The following TCF7L2 variants were observed in gnomAD, a reference collection of about 807,000 sequenced individuals.
TCF7L2 encodes transcription factor 7 like 2.
Under a neutral mutation model 77.9 loss-of-function variants are expected in TCF7L2, and 23 were observed. The observed-to-expected ratio is 0.30, with a 90% CI of 0.21 to 0.42. The LOEUF is 0.42. Ranked by LOEUF, TCF7L2 falls within the 10% of genes least tolerant of loss-of-function variation. The pLI is 1.00. For synonymous variants in TCF7L2, 413 were observed against 340.2 expected (o/e 1.21, Z -2.36); for missense variants, 654 against 793.1 (o/e 0.82, Z 2.11).
intron 4 of TCF7L2, among the ~76,000 whole-genome samples, chr10:113,014,925 T>G (rs946480901): frequency 2.0e-4 from 30 of 152,232 alleles, no homozygotes; most frequent in African/African-American, 6.8e-4. Flanking sequence ...TAGTGGCTCA[T>G]GCCTATAATC....
chr10:113,143,024 G>A (rs574027215), intron 6 of TCF7L2, among the ~76,000 whole-genome samples: 2 of 152,186 alleles, frequency 1.3e-5, no homozygotes, highest in African/African-American at 4.8e-5. Flanking sequence ...TTTCGTCCAC[G>A]AACATGCAGC....
chr10:113,039,911 G>A, intron 4 of TCF7L2, 114 bp from the exon 5 acceptor site: 1 of 830,274 alleles, frequency 1.2e-6, no homozygotes, highest in East Asian at 2.7e-5. Flanking sequence ...TTATTTGCAT[G>A]CTTGTATGTT....
rs141185442 is a variant in TCF7L2, at chr10:113,138,329, A to C, written c.553-2855A>C. On this transcript the variant is annotated intron_variant, in intron 5 of 13. Transcript: ENST00000627217. The stretch of plus-strand genomic sequence containing the variant: ...TTGGCTAGGCTCAGGTGTGCAAAAT[A>C]ATACTGGGAGAGGTGTTAGTAGCCA... Among the ~76,000 whole-genome samples, 151 of 150,258 alleles carry C rather than the reference A, an allele frequency of 1.0e-3. 2 individuals are homozygous for C. The highest frequency in any genetic ancestry group is 3.2e-3 in the African/African-American group (130 of 40,690).
rs202073726 is a variant in TCF7L2, at chr10:112,950,958, C to T, written c.189+13C>T. 6.2e-6 allele frequency: 10 copies of T among 1,604,910 alleles called. No homozygotes were observed. In the East Asian group the frequency reaches 6.7e-5, roughly 11 times the overall value. On this transcript the variant is annotated intron_variant, in intron 1 of 13. Coordinates refer to ENST00000627217, the MANE Select transcript of TCF7L2 (RefSeq NM_001146274.2). ...CTCCGATTCCGAGGTAGGAAAAGCC[C>T]CTCGGGCTGGTGGGGTTTTTTATCT... is the stretch of plus-strand genomic sequence containing the variant.
At chr10:112,968,243 G>A (rs935922804) in intron 4 of TCF7L2, among the ~76,000 whole-genome samples, 17 of 152,222 alleles carry the variant, frequency 1.1e-4, no homozygotes, top group African/African-American at 3.9e-4. Context: ...GAACCACATG[G>A]ATCCACTTAG....
chr10:113,087,108 G>T (rs142605280), intron 5 of TCF7L2, among the ~76,000 whole-genome samples: 1 of 152,274 alleles, frequency 6.6e-6, no homozygotes, highest in South Asian at 2.1e-4. Flanking sequence ...CCCCTGATGC[G>T]CTGTTGGACG....
At chr10:113,050,078 AT>A (rs1408509922) in intron 5 of TCF7L2, among the ~76,000 whole-genome samples, 1 of 152,124 alleles carries the variant, frequency 6.6e-6, no homozygotes, top group Non-Finnish European at 1.5e-5. Context: ...AGAGCTCTGG[AT>A]GGTGTGAAGC....
intron 4 of TCF7L2, among the ~76,000 whole-genome samples, chr10:113,015,076 C>T (rs970089212): frequency 6.6e-6 from 1 of 152,122 alleles, no homozygotes; most frequent in Non-Finnish European, 1.5e-5. Context: ...AGCCCAGCTA[C>T]TTGGGAGGCT....
chr10:112,951,098 C>A, intron 1 of TCF7L2, 109 bp from the exon 2 acceptor site: 1 of 1,291,904 alleles, frequency 7.7e-7, no homozygotes, highest in Non-Finnish European at 1.1e-6. Context: ...ACTTGTAACC[C>A]TGTTTTTTTC....
intron 5 of TCF7L2, among the ~76,000 whole-genome samples, chr10:113,139,165 G>T (rs2067902807): frequency 6.6e-6 from 1 of 152,270 alleles, no homozygotes; most frequent in East Asian, 1.9e-4. Context: ...ATGTCAGCGG[G>T]TATGTATCTT....
intron 4 of TCF7L2, among the ~76,000 whole-genome samples, chr10:113,033,259 A>C (rs1193770756): frequency 9.3e-6 from 1 of 107,100 alleles, no homozygotes; most frequent in Non-Finnish European, 1.9e-5. Flanking sequence ...TTTCTTTTCT[A>C]TTCTTCCTTT....
rs1331339919 is a variant in TCF7L2, at chr10:112,951,039, C to T, written c.189+94C>T. 2.8e-6 allele frequency: 4 copies of T among 1,437,024 alleles called. No individual in the cohort carries two copies. The African/African-American group carries it at 5.9e-5, about 21-fold the overall frequency. The allele number at this position is 1,437,024 out of a possible 1,614,324, so 89.0% of individuals were successfully genotyped here. A position where few individuals can be genotyped will look rare whatever the true frequency, so the allele number is the denominator to read the frequency against. ...GGGGAGAAATCGGGGCTGGGGGCGG[C>T]GGCGGGGCCCGGCGGGCGGCGTGTG... On this transcript the variant is annotated intron_variant, in intron 1 of 13. Transcript: ENST00000627217.
intron 5 of TCF7L2, among the ~76,000 whole-genome samples, chr10:113,131,359 T>C (rs1320878794): frequency 6.6e-6 from 1 of 152,200 alleles, no homozygotes; most frequent in Non-Finnish European, 1.5e-5. Context: ...TTGGTTTTCC[T>C]TTCTAGCTGT....
intron 5 of TCF7L2, among the ~76,000 whole-genome samples, chr10:113,113,177 G>T (rs1489695389): frequency 6.6e-6 from 1 of 152,150 alleles, no homozygotes; most frequent in African/African-American, 2.4e-5. Context: ...TGTCAAGTCG[G>T]TGAAATCCTG....
chr10:113,062,302 C>T (rs997700964), intron 5 of TCF7L2, among the ~76,000 whole-genome samples: 19 of 152,166 alleles, frequency 1.2e-4, no homozygotes, highest in Admixed American at 1.2e-3. Context: ...GAGCTGGCTG[C>T]TTCCCTCCTC....
chr10:113,019,897 GGATGGAGGC>G (rs1354268294), intron 4 of TCF7L2, among the ~76,000 whole-genome samples: 1 of 151,998 alleles, frequency 6.6e-6, no homozygotes, highest in Non-Finnish European at 1.5e-5. Context: ...GCAGTGATAC[GGATGGAGGC>G]AGGTTTACGT....
At chr10:112,978,090 G>A (rs1348812742) in intron 4 of TCF7L2, among the ~76,000 whole-genome samples, 1 of 152,174 alleles carries the variant, frequency 6.6e-6, no homozygotes, top group Non-Finnish European at 1.5e-5. Context: ...ATGATGATTT[G>A]AAAGAGAGAA....
At chr10:112,973,051 T>A (rs1242848599) in intron 4 of TCF7L2, among the ~76,000 whole-genome samples, 2 of 152,136 alleles carry the variant, frequency 1.3e-5, no homozygotes, top group Non-Finnish European at 2.9e-5. Flanking sequence ...GCAACACACA[T>A]AGAAATCACG....
At chr10:113,083,263 C>CACACAT (rs2059494741) in intron 5 of TCF7L2, among the ~76,000 whole-genome samples, 1 of 124,562 alleles carries the variant, frequency 8.0e-6, no homozygotes, top group Admixed American at 8.2e-5. Context: ...CTGATAGACA[C>CACACAT]ACACACACAC....
Sources: gnomAD v4.1 joint callset for allele counts (sites outside exome capture counted in the v4.1 genomes callset) on GRCh38, gnomAD v4.1.1 for gene constraint, MANE v1.5 for transcripts, NCBI Gene and HGNC (gene_info 2026-07-23, HGNC 2026-07-21) for gene names.